The following PPM1H variants were observed in gnomAD, a reference collection of about 807,000 sequenced individuals.
The protein encoded by PPM1H is protein phosphatase 1H.
In PPM1H, 27 loss-of-function variants were observed where a neutral mutation model predicts 54.9. The ratio of observed to expected loss-of-function variants is 0.49; its 90% confidence interval spans 0.36 to 0.68. The LOEUF (loss-of-function observed/expected upper bound fraction) is 0.68, where lower values mean the gene tolerates loss of function less well. PPM1H is among the 30% of genes least tolerant of loss of function. PPM1H has a pLI of 0.00. For synonymous variants in PPM1H, 305 were observed against 270.8 expected, an observed-to-expected ratio of 1.13 and a Z score of -1.24; for missense variants, 596 against 667.8, an observed-to-expected ratio of 0.89 and a Z score of 1.19.
chr12:62,708,184 G>C (rs975367889), intron 6 of PPM1H, among the ~76,000 whole-genome samples: 1 of 152,206 alleles, frequency 6.6e-6, no homozygotes, highest in African/African-American at 2.4e-5. Context: ...CTCCAGCAAG[G>C]AACAGACACA....
At chr12:62,701,278 C>T (rs1290079095) in intron 6 of PPM1H, among the ~76,000 whole-genome samples, 1 of 152,338 alleles carries the variant, frequency 6.6e-6, no homozygotes, top group Non-Finnish European at 1.5e-5. Context: ...CCCTTTCCCA[C>T]CTTTGCCCTA....
chr12:62,676,525 C>T (rs11174597), intron 8 of PPM1H, among the ~76,000 whole-genome samples: 24,791 of 152,156 alleles, frequency 0.16, 2,712 homozygotes, highest in African/African-American at 0.31. Context: ...AGTCCCCCTG[C>T]CCCTGCAGGC....
intron 6 of PPM1H, among the ~76,000 whole-genome samples, chr12:62,713,525 T>C (rs1318614597): frequency 6.6e-6 from 1 of 152,104 alleles, no homozygotes; most frequent in Non-Finnish European, 1.5e-5. Context: ...GAGTTGTTCC[T>C]AAGCACAATG....
chr12:62,687,933 T>G (rs2076062515), intron 8 of PPM1H, among the ~76,000 whole-genome samples: 1 of 143,260 alleles, frequency 7.0e-6, no homozygotes, highest in Admixed American at 7.4e-5. Context: ...CACTTGAATC[T>G]GGGAGGTGGA....
intron 4 of PPM1H, among the ~76,000 whole-genome samples, chr12:62,761,330 G>A (rs927374687): frequency 1.3e-5 from 2 of 152,176 alleles, no homozygotes; most frequent in African/African-American, 4.8e-5. Context: ...TTTCAAACCT[G>A]TATGCAGAGT....
At chr12:62,885,531 A>G (rs1870557779) in intron 1 of PPM1H, among the ~76,000 whole-genome samples, 1 of 152,180 alleles carries the variant, frequency 6.6e-6, no homozygotes, top group Admixed American at 6.5e-5. Flanking sequence ...ATGTACCACA[A>G]TCACAGTGTG....
chr12:62,692,296 A>G (rs560390310), intron 7 of PPM1H, among the ~76,000 whole-genome samples: 1 of 152,230 alleles, frequency 6.6e-6, no homozygotes, highest in Non-Finnish European at 1.5e-5. Context: ...CCACCTGCCC[A>G]TCGCAAGACC....
chr12:62,703,176 C>T (rs568540523), intron 6 of PPM1H, among the ~76,000 whole-genome samples: 19 of 152,126 alleles, frequency 1.2e-4, no homozygotes, highest in Non-Finnish European at 2.2e-4. Context: ...GTAGGAAAAA[C>T]CACTTCCTGC....
chr12:62,659,017 A>G, intron 9 of PPM1H: 1 of 725,004 alleles, frequency 1.4e-6, no homozygotes. Context: ...ACAGAAAAAC[A>G]GCACATGCTG....
chr12:62,677,795 C>T (rs111877839), intron 8 of PPM1H, among the ~76,000 whole-genome samples: 39 of 152,160 alleles, frequency 2.6e-4, no homozygotes, highest in African/African-American at 7.2e-4. Context: ...TGAAGCAACA[C>T]GGTAAGGATC....
chr12:62,926,653 C>T (rs967401607), intron 1 of PPM1H, among the ~76,000 whole-genome samples: 18 of 151,994 alleles, frequency 1.2e-4, no homozygotes, highest in African/African-American at 3.1e-4. Flanking sequence ...ACAGGAAAAC[C>T]GTAAAAAGAT....
intron 1 of PPM1H, among the ~76,000 whole-genome samples, chr12:62,893,220 G>C (rs746129673): frequency 6.6e-6 from 1 of 152,156 alleles, no homozygotes; most frequent in Non-Finnish European, 1.5e-5. Flanking sequence ...GTATTTATTT[G>C]CTAGGGTTGC....
chr12:62,926,026 C>A (rs1235917799), intron 1 of PPM1H, among the ~76,000 whole-genome samples: 1 of 152,156 alleles, frequency 6.6e-6, no homozygotes, highest in Non-Finnish European at 1.5e-5. Flanking sequence ...AAAGAACTGC[C>A]CATTTTCAGG....
intron 8 of PPM1H, among the ~76,000 whole-genome samples, chr12:62,683,721 C>T (rs181948369): frequency 5.2e-4 from 79 of 152,256 alleles, no homozygotes; most frequent in South Asian, 2.1e-4. Context: ...GAGCTGGCTC[C>T]GCAAACTGGC....
intron 1 of PPM1H, among the ~76,000 whole-genome samples, chr12:62,867,606 C>A: frequency 2.3e-5 from 2 of 86,662 alleles, no homozygotes; most frequent in African/African-American, 5.3e-5. Context: ...GAGACAGAGT[C>A]TCACTCTGTC....
In PPM1H at chr12:62,808,297, C is replaced by T. The variant is rs2076817029; in HGVS notation, c.412-6137G>A. ...GACAGAGAATATAACTGCTCTAGGT[C>T]ACCACCTATTAAGTTGTGCAGCAGG... On this transcript the variant is annotated intron_variant, in intron 2 of 9. Coordinates refer to ENST00000228705, the MANE Select transcript of PPM1H (RefSeq NM_020700.2). Among the ~76,000 whole-genome samples, 3 of 152,144 alleles carry T rather than the reference C, an allele frequency of 2.0e-5. No individual in the cohort carries two copies. The South Asian group carries it at 6.2e-4, about 31-fold the overall frequency.
chr12:62,934,527 C>A lies in PPM1H; in HGVS notation c.210G>T (p.Glu70Asp), dbSNP rs1244832057. Residue 70 changes from glutamate (E) to aspartate (D), a missense_variant, in exon 1 of 10, where the codon GAG becomes GAT. This residue lies in a region of PPM1H where 382 missense variants were observed against 387.1 expected (regional missense o/e 0.99). Transcript: ENST00000228705. The surrounding 1 kb of genome is among the most constrained non-coding windows in gnomAD (Gnocchi z 4.2). ...CAGTGGCCCAGGGCAGCCGCCGAGT[C>A]TCCTTGAGGATGAGGATGGGGCGGG... ...HIARPILILKETRRLPWATGY... is the reference protein window; with the variant it reads ...HIARPILILKDTRRLPWATGY... 3.2e-6 allele frequency: 5 copies of A among 1,550,972 alleles called. No homozygotes were observed. In the South Asian group the frequency reaches 5.9e-5, roughly 18 times the overall value.
chr12:62,710,517 GT>G (rs1158464214), intron 6 of PPM1H, among the ~76,000 whole-genome samples: 17 of 148,992 alleles, frequency 1.1e-4, no homozygotes, highest in Non-Finnish European at 2.1e-4. Flanking sequence ...GGGCAACAGA[GT>G]GGAGTGAGAC....
At chr12:62,909,871 A>C (rs888142429) in intron 1 of PPM1H, among the ~76,000 whole-genome samples, 3 of 152,266 alleles carry the variant, frequency 2.0e-5, no homozygotes, top group Admixed American at 1.3e-4. Context: ...GTATTATTAA[A>C]GCAAGTCAGT....
Sources: gnomAD v4.1 joint callset for allele counts (sites outside exome capture counted in the v4.1 genomes callset) on GRCh38, gnomAD v4.1.1 for gene constraint, gnomAD v4.1.1 regional missense constraint, Gnocchi (gnomAD v3.1) non-coding constraint, MANE v1.5 for transcripts, NCBI Gene and HGNC (gene_info 2026-07-23, HGNC 2026-07-21) for gene names.